The following JAKMIP1 variants were observed in gnomAD, a reference collection of about 807,000 sequenced individuals.
The protein encoded by JAKMIP1 is janus kinase and microtubule-interacting protein 1.
JAKMIP1 carries 33 observed loss-of-function variants against 113.0 expected under a neutral mutation model. The observed-to-expected ratio is 0.29, with a 90% CI of 0.22 to 0.39. The LOEUF (loss-of-function observed/expected upper bound fraction) is 0.39. JAKMIP1 is among the 10% of genes least tolerant of loss of function. JAKMIP1 has a pLI of 1.00. For synonymous variants in JAKMIP1, 480 were observed against 459.9 expected (o/e 1.04, Z -0.56); for missense variants, 813 against 1,080.5 (o/e 0.75, Z 3.47).
At position 6,060,571 on chromosome 4, in the gene JAKMIP1, C is replaced by T. The variant is rs1717129796; in HGVS notation, c.1561-64G>A. The T allele has an allele frequency of 1.9e-5, 23 of 1,227,028 alleles. No individual in the cohort carries two copies. In the East Asian group the frequency reaches 3.3e-4, roughly 17 times the overall value. 76.0% of individuals were successfully genotyped at this position (1,227,028 alleles called of 1,614,324 possible). On this transcript the variant is annotated intron_variant, in intron 10 of 20. Coordinates refer to ENST00000409021, the MANE Select transcript of JAKMIP1 (RefSeq NM_001099433.2). ...CAATGGGTGACAGGGAAGCGGAAAG[C>T]GTCATGCCCCAATGCAAGCAATGCC...
chr4:6,199,732 G>C lies in JAKMIP1; in HGVS notation c.-148+521C>G, dbSNP rs532131081. ...CTGGGCGGCCTCGCCTTCGGGCCCC[G>C]CGCCGCCGGGGCGCGGCCCCCAGCT... On this transcript the variant is annotated intron_variant, in intron 1 of 20. Coordinates refer to ENST00000409021, the MANE Select transcript of JAKMIP1 (RefSeq NM_001099433.2). This position sits in a 1 kb window ranked among gnomAD's most constrained non-coding sequence, Gnocchi z 5.6. Among the ~76,000 whole-genome samples the C allele has an allele frequency of 2.0e-3, 308 of 151,510 alleles. 1 individual carries two copies. Among genetic ancestry groups the C allele is most frequent in the Middle Eastern group, 0.01 (3 of 292 alleles).
intron 19 of JAKMIP1, among the ~76,000 whole-genome samples, chr4:6,034,503 T>C (rs183663115): frequency 6.6e-5 from 10 of 152,252 alleles, no homozygotes; most frequent in Admixed American, 2.6e-4. Flanking sequence ...AGATATTTGG[T>C]CAAATATTCT....
rs1208204518 is a variant in JAKMIP1, at chr4:6,044,160, G to A, written c.2029-1933C>T. The stretch of plus-strand genomic sequence containing the variant: ...ATGGTGCCCATGTCAGTCATCTTGT[G>A]AATGCCGGGTCGTAGCACTCACCTG... On this transcript the variant is annotated intron_variant, in intron 16 of 20. Transcript: ENST00000409021. The surrounding 1 kb of genome is among the most constrained non-coding windows in gnomAD (Gnocchi z 4.4). Among the ~76,000 whole-genome samples the A allele has an allele frequency of 6.8e-6, 1 of 147,556 alleles. No individual in the cohort carries two copies. The highest frequency in any genetic ancestry group is 1.5e-5 in the Non-Finnish European group (1 of 67,778).
At chr4:6,092,400 C>A (rs1722180500) in intron 3 of JAKMIP1, among the ~76,000 whole-genome samples, 1 of 152,226 alleles carries the variant, frequency 6.6e-6, no homozygotes, top group African/African-American at 2.4e-5. Flanking sequence ...TACCGATGCC[C>A]AGAGGAAACT....
Position 6,094,876 on chromosome 4 carries a change from C to T in JAKMIP1, c.625-9247G>A, listed in dbSNP as rs182814055. 1.4e-3 allele frequency among the ~76,000 whole-genome samples: 215 copies of T among 152,094 alleles called. 2 individuals are homozygous for T. Among genetic ancestry groups the T allele is most frequent in the African/African-American group, 4.8e-3 (200 of 41,472 alleles). ...CTGGGCATAGGTGGTCCTGGCTATT[C>T]AGGAGGCTGAGGTGGGAGGATTGCT... On this transcript the variant is annotated intron_variant, in intron 3 of 20. Coordinates refer to ENST00000409021, the MANE Select transcript of JAKMIP1 (RefSeq NM_001099433.2). This position sits in a 1 kb window ranked among gnomAD's most constrained non-coding sequence, Gnocchi z 4.2.
chr4:6,030,230 A>G (rs1712432856), intron 19 of JAKMIP1, among the ~76,000 whole-genome samples: 1 of 151,476 alleles, frequency 6.6e-6, no homozygotes, highest in Non-Finnish European at 1.5e-5. Flanking sequence ...GTTTAACTGC[A>G]GCCTGGGGGA....
Position 6,088,558 on chromosome 4 carries a change from A to T in JAKMIP1, c.625-2929T>A, listed in dbSNP as rs149558534. ...GGGCTTCTGCCCCAGTCATCACAAG[A>T]AAGTTTCCTAGAAAATATTCTCAAA... is the stretch of plus-strand genomic sequence containing the variant. On this transcript the variant is annotated intron_variant, in intron 3 of 20. Coordinates refer to ENST00000409021, the MANE Select transcript of JAKMIP1 (RefSeq NM_001099433.2). This position sits in a 1 kb window ranked among gnomAD's most constrained non-coding sequence, Gnocchi z 5.5. Among the ~76,000 whole-genome samples the T allele has an allele frequency of 4.1e-3, 620 of 152,320 alleles. 1 individual carries two copies. The highest frequency in any genetic ancestry group is 0.014 in the African/African-American group (595 of 41,580).
chr4:6,164,266 T>G (rs1723311421), intron 1 of JAKMIP1, among the ~76,000 whole-genome samples: 1 of 152,198 alleles, frequency 6.6e-6, no homozygotes, highest in African/African-American at 2.4e-5. Context: ...CATTTCCCAT[T>G]AGGAGATCCT....
At chr4:6,078,288 C>A (rs959681999) in intron 8 of JAKMIP1, among the ~76,000 whole-genome samples, 7 of 146,086 alleles carry the variant, frequency 4.8e-5, no homozygotes, top group African/African-American at 1.8e-4. Context: ...GCACTCCAGC[C>A]TGGACAACAG....
At chr4:6,032,660 CACAAAACAAA>C (rs10572045) in intron 19 of JAKMIP1, among the ~76,000 whole-genome samples, 63,709 of 149,206 alleles carry the variant, frequency 0.43, 14,251 homozygotes, top group African/African-American at 0.51. Flanking sequence ...AACAACACAA[CACAAAACAAA>C]ACAAAACAAA....
At chr4:6,070,135 A>G (rs1718753130) in intron 8 of JAKMIP1, 1 of 398,888 alleles carries the variant, frequency 2.5e-6, no homozygotes, top group Admixed American at 4.4e-5. Flanking sequence ...AAGAAAGAGA[A>G]GTACAGCACA....
intron 1 of JAKMIP1, among the ~76,000 whole-genome samples, chr4:6,175,988 T>G (rs1725302287): frequency 6.6e-6 from 1 of 152,206 alleles, no homozygotes; most frequent in South Asian, 2.1e-4. Context: ...TGAGGTCCCT[T>G]GCTCATTATA....
Position 6,105,556 on chromosome 4 carries a change from C to T in JAKMIP1, c.541G>A (p.Ala181Thr), listed in dbSNP as rs1470373386. ...NCMQADKTKA[A>T]DLRAAYQAHQ... ...GCCTGGTAGGCGGCACGCAGGTCGG[C>T]TGCCTTGGTCTTGTCAGCCTGCATG... The change falls in exon 3 of 21, where the codon GCC (alanine) becomes ACC (threonine). Residue 181 changes from alanine to threonine, a missense_variant. Physicochemically the swap from Ala to Thr is moderately conservative, Grantham distance 58. Coordinates refer to ENST00000409021, the MANE Select transcript of JAKMIP1 (RefSeq NM_001099433.2). 1.2e-6 allele frequency: 2 copies of T among 1,603,092 alleles called. No individual in the cohort carries two copies. Among genetic ancestry groups the T allele is most frequent in the East Asian group, 4.5e-5 (2 of 44,532 alleles).
rs1722227552 is a variant in JAKMIP1, at chr4:6,156,243, G to C, written c.-147-43246C>G. On this transcript the variant is annotated intron_variant, in intron 1 of 20. Transcript: ENST00000409021. This position sits in a 1 kb window ranked among gnomAD's most constrained non-coding sequence, Gnocchi z 5.0. ...CCCTCGGAAGTGGCCCGCCAACACA[G>C]GAACAAGCGAATGCCACTGTATCAC... 6.6e-6 allele frequency among the ~76,000 whole-genome samples: 1 copy of C among 152,202 alleles called. No individual in the cohort carries two copies. Among genetic ancestry groups the C allele is most frequent in the Admixed American group, 6.5e-5 (1 of 15,286 alleles).
intron 1 of JAKMIP1, among the ~76,000 whole-genome samples, chr4:6,132,155 A>G (rs1369120901): frequency 6.6e-6 from 1 of 152,238 alleles, no homozygotes; most frequent in African/African-American, 2.4e-5. Context: ...AGAGCAATGA[A>G]TGGGAGAGAC....
rs6812643 is a variant in JAKMIP1, at chr4:6,150,444, A to G, written c.-147-37447T>C. The G allele has an allele frequency of 0.28, 42,432 of 152,092 alleles. 6,223 individuals are homozygous for G. Among genetic ancestry groups the G allele is most frequent in the Non-Finnish European group, 0.32 (21,569 of 68,014 alleles). The allele number at this position is 152,092 out of a possible 1,614,324, so 9.4% of individuals were successfully genotyped here. On this transcript the variant is annotated intron_variant, in intron 1 of 20. Transcript: ENST00000409021. The surrounding 1 kb of genome is among the most constrained non-coding windows in gnomAD (Gnocchi z 4.8). ...CAAGGACAGTGTCCACGGTTCATCC[A>G]CCTCTACGTCCCCAGGGCCCTGTCC...
chr4:6,175,696 A>C (rs1440629043), intron 1 of JAKMIP1, among the ~76,000 whole-genome samples: 1 of 152,160 alleles, frequency 6.6e-6, no homozygotes, highest in Non-Finnish European at 1.5e-5. Flanking sequence ...TTAGAACACC[A>C]GCACCCTGCT....
At position 6,050,319 on chromosome 4, in the gene JAKMIP1, G is replaced by A. The variant is rs1715499817; in HGVS notation, c.1908+259C>T. ...TTCATAGCGAAGAGGCTAAGGCTCT[G>A]AAAGTTTACAGGCCAGAGCAGTGGT... is the stretch of plus-strand genomic sequence containing the variant. On this transcript the variant is annotated intron_variant, in intron 14 of 20. Transcript: ENST00000409021. The surrounding 1 kb of genome is among the most constrained non-coding windows in gnomAD (Gnocchi z 7.4). 6.6e-6 allele frequency among the ~76,000 whole-genome samples: 1 copy of A among 152,220 alleles called. No homozygotes were observed. Among genetic ancestry groups the A allele is most frequent in the Non-Finnish European group, 1.5e-5 (1 of 68,028 alleles).
At chr4:6,130,693 G>A (rs767431681) in intron 1 of JAKMIP1, among the ~76,000 whole-genome samples, 1 of 152,060 alleles carries the variant, frequency 6.6e-6, no homozygotes, top group Non-Finnish European at 1.5e-5. Context: ...TCTAAAAAAA[G>A]GATAAAAAGG....
Sources: allele counts gnomAD v4.1 joint callset (sites outside exome capture counted in the v4.1 genomes callset), GRCh38; gene constraint gnomAD v4.1.1; non-coding constraint Gnocchi (gnomAD v3.1); transcripts MANE v1.5; gene names NCBI Gene and HGNC (gene_info 2026-07-23, HGNC 2026-07-21).